The following TAOK1 variants were observed in gnomAD, a reference collection of about 807,000 sequenced individuals.
TAOK1 encodes serine/threonine-protein kinase TAO1.
TAOK1 carries 21 observed loss-of-function variants against 138.3 expected under a neutral mutation model. That is an observed-to-expected ratio of 0.15 (90% CI 0.11 to 0.22). The LOEUF is 0.22. Among genes scored for constraint, TAOK1 ranks in the 10% least tolerant of loss-of-function variants. The probability of loss-of-function intolerance (pLI) is 1.00; values close to 1 mark genes in which losing one functional copy is unlikely to be tolerated. For synonymous variants in TAOK1, 361 were observed against 398.4 expected (o/e 0.91, Z 1.12); for missense variants, 651 against 1,227.7 (o/e 0.53, Z 7.02).
chr17:29,525,982 C>T (rs149483737), intron 17 of TAOK1, among the ~76,000 whole-genome samples: 38 of 152,078 alleles, frequency 2.5e-4, no homozygotes, highest in African/African-American at 8.4e-4. Context: ...GGCGACAGAG[C>T]GAGACTCCGT....
intron 12 of TAOK1, among the ~76,000 whole-genome samples, chr17:29,499,932 T>C (rs1040518738): frequency 6.6e-6 from 1 of 152,168 alleles, no homozygotes; most frequent in Non-Finnish European, 1.5e-5. Context: ...TGTGGGTGTT[T>C]GCTGCATTAC....
chr17:29,463,672 A>G (rs751977377), intron 2 of TAOK1, among the ~76,000 whole-genome samples: 10 of 152,224 alleles, frequency 6.6e-5, no homozygotes, highest in Non-Finnish European at 1.2e-4. Context: ...TCTGCATAAC[A>G]TTTGTTTTGG....
intron 4 of TAOK1, 139 bp downstream of exon 4, chr17:29,475,910 A>G (rs1361770448): frequency 4.4e-6 from 3 of 689,132 alleles, no homozygotes; most frequent in African/African-American, 1.9e-5. Flanking sequence ...AAAACAAGCA[A>G]TATTTCCTAG....
At position 29,431,803 on chromosome 17, in the gene TAOK1, ATTTTTTT is replaced by A. The variant is rs71360705; in HGVS notation, c.-94-19637_-94-19631del. 2.7e-5 allele frequency among the ~76,000 whole-genome samples: 3 copies of A among 113,060 alleles called. No individual in the cohort carries two copies. In the South Asian group the frequency reaches 9.2e-4, roughly 35 times the overall value. 74.2% of individuals were successfully genotyped at this position (113,060 alleles called of 152,430 possible). A position where few individuals can be genotyped will look rare whatever the true frequency, so the allele number is the denominator to read the frequency against. ...AGGTGCCCACCACCATGCCTGGCTAATTTTTTTTTTTTTTTTTTTTTGAGATGGAGTC... is the reference window on the plus strand; with the variant it reads ...AGGTGCCCACCACCATGCCTGGCTAATTTTTTTTTTTTTTGAGATGGAGTC... On this transcript the variant is annotated intron_variant, in intron 1 of 19. Coordinates refer to ENST00000261716, the MANE Select transcript of TAOK1 (RefSeq NM_020791.4).
intron 17 of TAOK1, among the ~76,000 whole-genome samples, chr17:29,527,749 C>T (rs185651224): frequency 1.1e-3 from 166 of 152,228 alleles, no homozygotes; most frequent in African/African-American, 3.6e-3. Context: ...TAGGTTCTGC[C>T]TCAGTGCAGT....
At chr17:29,456,994 A>G (rs1478675882) in intron 2 of TAOK1, among the ~76,000 whole-genome samples, 1 of 144,084 alleles carries the variant, frequency 6.9e-6, no homozygotes, top group African/African-American at 2.7e-5. Context: ...CGGCCTCCCA[A>G]AGTGCTGGGA....
chr17:29,492,717 G>A (rs1359325030), intron 10 of TAOK1, among the ~76,000 whole-genome samples: 1 of 152,134 alleles, frequency 6.6e-6, no homozygotes, highest in Admixed American at 6.6e-5. Context: ...GCTTGAACCT[G>A]GGAGGCGGAG....
intron 14 of TAOK1, 127 bp downstream of exon 14, chr17:29,508,259 A>G (rs939412516): frequency 2.6e-6 from 2 of 756,192 alleles, no homozygotes; most frequent in Non-Finnish European, 4.4e-6. Context: ...AAGGAGAAGC[A>G]TTTATGTGAC....
At chr17:29,451,829 C>T (rs1399874400) in intron 2 of TAOK1, 149 bp downstream of exon 2, 9 of 776,952 alleles carry the variant, frequency 1.2e-5, no homozygotes, top group African/African-American at 5.2e-5. Context: ...AGAGCGAGAG[C>T]GTGGGTGAGT....
At chr17:29,434,826 T>C (rs1245026834) in intron 1 of TAOK1, among the ~76,000 whole-genome samples, 2 of 152,174 alleles carry the variant, frequency 1.3e-5, no homozygotes, top group South Asian at 2.1e-4. Flanking sequence ...CCAGTTTTTT[T>C]CCTAGGGCTT....
rs1476755312 is a variant in TAOK1 at position 29,397,095 on chromosome 17, G to A, written c.-95+6071G>A. ...GGATCACCTGAGGTCAGGAGTTGCA[G>A]ACGAGCCTGGCCAACGTGGCGAAAC... On this transcript the variant is annotated intron_variant, in intron 1 of 19. Transcript: ENST00000261716. Among the ~76,000 whole-genome samples, 4 of 147,590 alleles carry A rather than the reference G, an allele frequency of 2.7e-5. No individual in the cohort carries two copies. The Admixed American group carries it at 2.7e-4, about 10-fold the overall frequency.
chr17:29,460,310 G>C (rs1766286728), intron 2 of TAOK1, among the ~76,000 whole-genome samples: 1 of 152,158 alleles, frequency 6.6e-6, no homozygotes, highest in African/African-American at 2.4e-5. Flanking sequence ...TTCTGGCTCA[G>C]GCTCCTGAGT....
intron 2 of TAOK1, among the ~76,000 whole-genome samples, chr17:29,461,692 G>A (rs73276582): frequency 0.037 from 5,570 of 152,088 alleles, 315 homozygotes; most frequent in African/African-American, 0.13. Flanking sequence ...GGTTCACTGT[G>A]CTGTGCCAAC....
chr17:29,517,679 T>G, intron 16 of TAOK1, 23 bp downstream of exon 16: 2 of 1,572,274 alleles, frequency 1.3e-6, no homozygotes, highest in South Asian at 2.3e-5. Flanking sequence ...GATGAGAAAT[T>G]TTAAATCCTT....
At position 29,465,128 on chromosome 17, in the gene TAOK1, A is replaced by ATTT. The variant is rs57794003; in HGVS notation, c.133-1990_133-1988dup. Among the ~76,000 whole-genome samples, 169 of 63,164 alleles carry ATTT rather than the reference A, an allele frequency of 2.7e-3. 19 individuals are homozygous for ATTT. Among genetic ancestry groups the ATTT allele is most frequent in the African/African-American group, 6.3e-3 (92 of 14,720 alleles). The allele number at this position is 63,164 out of a possible 152,430, so 41.4% of individuals were successfully genotyped here. On this transcript the variant is annotated intron_variant, in intron 2 of 19. Coordinates refer to ENST00000261716, the MANE Select transcript of TAOK1 (RefSeq NM_020791.4). ...AAGCCACCATGCCTGGTCTTATTTAATTTTTTTTTTTTTTTTTTTTTTTTT... is the reference window on the plus strand; with the variant it reads ...AAGCCACCATGCCTGGTCTTATTTAATTTTTTTTTTTTTTTTTTTTTTTTTTTT...
chr17:29,491,645 A>C (rs1382237339), intron 9 of TAOK1, 139 bp from the exon 10 acceptor site: 2 of 608,638 alleles, frequency 3.3e-6, no homozygotes, highest in Admixed American at 5.4e-5. Context: ...ATAGACTTAT[A>C]TGAAACTGTA....
chr17:29,483,922 G>A (rs1567731112), intron 8 of TAOK1, among the ~76,000 whole-genome samples: 1 of 152,174 alleles, frequency 6.6e-6, no homozygotes, highest in Non-Finnish European at 1.5e-5. Context: ...GCTGGTTAAT[G>A]TACTCTTTGC....
At chr17:29,538,780 C>T (rs1432338427) in intron 19 of TAOK1, among the ~76,000 whole-genome samples, 10 of 152,166 alleles carry the variant, frequency 6.6e-5, no homozygotes, top group Admixed American at 6.5e-4. Context: ...TCTCATCCTT[C>T]ATTTACATTA....
intron 18 of TAOK1, among the ~76,000 whole-genome samples, chr17:29,533,276 A>G (rs2032161141): frequency 6.7e-6 from 1 of 148,214 alleles, no homozygotes; most frequent in South Asian, 2.1e-4. Flanking sequence ...CACTTCCTAG[A>G]TGGGATGGCG....
Sources: gnomAD v4.1 joint callset for allele counts (sites outside exome capture counted in the v4.1 genomes callset) on GRCh38, gnomAD v4.1.1 for gene constraint, MANE v1.5 for transcripts, NCBI Gene and HGNC (gene_info 2026-07-23, HGNC 2026-07-21) for gene names.